The following NR5A1 variants were observed in gnomAD, a reference collection of about 807,000 sequenced individuals.
NR5A1 encodes the protein nuclear receptor subfamily 5 group A member 1.
In NR5A1, 6 loss-of-function variants were observed where a neutral mutation model predicts 42.7. The ratio of observed to expected loss-of-function variants is 0.14; its 90% confidence interval spans 0.08 to 0.28. The LOEUF (loss-of-function observed/expected upper bound fraction) is 0.28, where lower values mean the gene tolerates loss of function less well. Among genes scored for constraint, NR5A1 ranks in the 10% least tolerant of loss-of-function variants. The pLI is 1.00. For synonymous variants in NR5A1, 274 were observed against 277.5 expected, an observed-to-expected ratio of 0.99 and a Z score of 0.12; for missense variants, 442 against 626.4, an observed-to-expected ratio of 0.71 and a Z score of 3.14.
At chr9:124,504,469 C>T (rs1346470475) in intron 1 of NR5A1, among the ~76,000 whole-genome samples, 1 of 151,970 alleles carries the variant, frequency 6.6e-6, no homozygotes, top group East Asian at 1.9e-4. Flanking sequence ...GCAGCAGCGA[C>T]GGCAACGGGA....
Sources: allele counts gnomAD v4.1 joint callset (sites outside exome capture counted in the v4.1 genomes callset), GRCh38; gene constraint gnomAD v4.1.1; transcripts MANE v1.5; gene names NCBI Gene and HGNC (gene_info 2026-07-23, HGNC 2026-07-21).